THEMIS2: variants seen among roughly 807,000 people sequenced by gnomAD.
THEMIS2 encodes the protein thymocyte selection associated family member 2.
Under a neutral mutation model 46.8 loss-of-function variants are expected in THEMIS2, and 29 were observed. The ratio of observed to expected loss-of-function variants is 0.62; its 90% CI spans 0.46 to 0.84. The LOEUF (loss-of-function observed/expected upper bound fraction) is 0.84, where lower values mean the gene tolerates loss of function less well. Among genes scored for constraint, THEMIS2 ranks in the 40% least tolerant of loss-of-function variants. The probability of loss-of-function intolerance (pLI) is 0.00; values close to 1 mark genes in which losing one functional copy is unlikely to be tolerated. For synonymous variants in THEMIS2, 335 were observed against 349.1 expected, an observed-to-expected ratio of 0.96 and a Z score of 0.45; for missense variants, 698 against 834.7, an observed-to-expected ratio of 0.84 and a Z score of 2.02.
chr1:27,882,652 C>T lies in THEMIS2; in HGVS notation c.1328C>T (p.Ala443Val), dbSNP rs1321406272. 1 of 1,614,050 alleles carries T rather than the reference C, an allele frequency of 6.2e-7. No individual in the cohort carries two copies. Among genetic ancestry groups the T allele is most frequent in the Non-Finnish European group, 8.5e-7 (1 of 1,180,036 alleles). The change falls in exon 4 of 6, where the codon GCA (alanine) becomes GTA (valine). Residue 443 changes from alanine to valine, a missense_variant. Coordinates refer to ENST00000373921, the MANE Select transcript of THEMIS2 (RefSeq NM_001105556.3). The surrounding 1 kb of genome is among the most constrained non-coding windows in gnomAD (Gnocchi z 7.6). ...EMSDSRRYSL[A>V]DLTAQFSLPC... Reference sequence around the variant, plus strand: ...AGTGACAGCCGGCGCTACAGCCTGGCAGATCTGACTGCCCAGTTTTCACTG... The same window carrying T: ...AGTGACAGCCGGCGCTACAGCCTGGTAGATCTGACTGCCCAGTTTTCACTG...
At position 27,872,580 on chromosome 1, in the gene THEMIS2, G is replaced by T. The variant is rs541141786; in HGVS notation, c.9G>T (p.Pro3=). 1 of 1,488,274 alleles carries T rather than the reference G, an allele frequency of 6.7e-7. No homozygotes were observed. The highest frequency in any genetic ancestry group is 2.2e-5 in the Admixed American group (1 of 45,268). 92.2% of individuals were successfully genotyped at this position (1,488,274 alleles called of 1,614,324 possible). A position where few individuals can be genotyped will look rare whatever the true frequency, so the allele number is the denominator to read the frequency against. The part of the protein sequence containing the change: ME[P]VPLQDFVRAL... ...AGAGAGCCGCGGGGACCATGGAGCC[G>T]GTGCCGCTGCAGGACTTCGTGCGCG... Residue 3 remains proline, a synonymous_variant, in exon 1 of 6, where the codon CCG becomes CCT. Coordinates refer to ENST00000373921, the MANE Select transcript of THEMIS2 (RefSeq NM_001105556.3). This position sits in a 1 kb window ranked among gnomAD's most constrained non-coding sequence, Gnocchi z 4.9.
intron 2 of THEMIS2, among the ~76,000 whole-genome samples, chr1:27,877,534 A>G (rs958766471): frequency 2.0e-5 from 3 of 152,002 alleles, no homozygotes; most frequent in African/African-American, 7.2e-5. Flanking sequence ...TCACCGTGTT[A>G]ACCAGGATGA....
At position 27,876,570 on chromosome 1, in the gene THEMIS2, G is replaced by C. The variant is rs779162263; in HGVS notation, c.95-18G>C. The C allele has an allele frequency of 6.2e-7, 1 of 1,611,122 alleles. No homozygotes were observed. Among genetic ancestry groups the C allele is most frequent in the Non-Finnish European group, 8.5e-7 (1 of 1,178,066 alleles). ...TTGGCCCTTGTCCAATGGGGAAATGGAGTCCTTGTCTCCGCAGGCTCCATC... is the reference window on the plus strand; with the variant it reads ...TTGGCCCTTGTCCAATGGGGAAATGCAGTCCTTGTCTCCGCAGGCTCCATC... On this transcript the variant is annotated intron_variant, in intron 1 of 5. Coordinates refer to ENST00000373921, the MANE Select transcript of THEMIS2 (RefSeq NM_001105556.3).
chr1:27,885,445 G>C lies in THEMIS2; in HGVS notation c.1870G>C (p.Asp624His). The C allele has an allele frequency of 1.2e-6, 2 of 1,613,522 alleles. No homozygotes were observed. The highest frequency in any genetic ancestry group is 1.7e-6 in the Non-Finnish European group (2 of 1,179,850). ...CAGGCCCGCTAAGCCCCAAAGGCAG[G>C]ATCTAGGTGAGTCCCTGTGGGCGCT... The part of the protein sequence containing the change: ...GHRPAKPQRQ[D>H]LDDDEHDYEE... The change falls in exon 5 of 6, where the codon GAT becomes CAT. Residue 624 changes from aspartate (D) to histidine (H), a missense_variant. Asp to His is a moderately conservative substitution (Grantham distance 81). Coordinates refer to ENST00000373921, the MANE Select transcript of THEMIS2 (RefSeq NM_001105556.3).
Position 27,872,553 on chromosome 1 carries a change from C to G in THEMIS2, c.-19C>G. The G allele has an allele frequency of 6.8e-7, 1 of 1,480,630 alleles. No homozygotes were observed. Among genetic ancestry groups the G allele is most frequent in the Non-Finnish European group, 8.9e-7 (1 of 1,118,682 alleles). 91.7% of individuals were successfully genotyped at this position (1,480,630 alleles called of 1,614,324 possible). A position where few individuals can be genotyped will look rare whatever the true frequency, so the allele number is the denominator to read the frequency against. On this transcript the variant is annotated 5_prime_UTR_variant, in exon 1 of 6. Coordinates refer to ENST00000373921, the MANE Select transcript of THEMIS2 (RefSeq NM_001105556.3). The surrounding 1 kb of genome is among the most constrained non-coding windows in gnomAD (Gnocchi z 4.9). ...CGCCCGCCCGCCCCTCAGTCTGAGC[C>G]CAGAGAGCCGCGGGGACCATGGAGC...
intron 3 of THEMIS2, 78 bp from the exon 4 acceptor site, chr1:27,881,893 C>A: frequency 8.1e-7 from 1 of 1,234,244 alleles, no homozygotes; most frequent in Non-Finnish European, 1.1e-6. Flanking sequence ...GCCAGCCGGC[C>A]CAGCCAATGC....
At chr1:27,875,809 T>C (rs1289128256) in intron 1 of THEMIS2, among the ~76,000 whole-genome samples, 2 of 152,124 alleles carry the variant, frequency 1.3e-5, no homozygotes, top group Non-Finnish European at 1.5e-5. Context: ...CACGCCATTC[T>C]CCTGCCTCAG....
In THEMIS2 at chr1:27,882,022, A is replaced by T. The variant is rs2089687619; in HGVS notation, c.698A>T (p.Asp233Val). ...TCTACCCTGGAGGTCGACGTGGAGGACGTCACCGCCTCCTCCCGGCACGTC... is the reference window on the plus strand; with the variant it reads ...TCTACCCTGGAGGTCGACGTGGAGGTCGTCACCGCCTCCTCCCGGCACGTC... The part of the protein sequence containing the change: ...IPSTLEVDVE[D>V]VTASSRHVHF... Residue 233 changes from aspartate (D) to valine (V), a missense_variant, in exon 4 of 6, where the codon GAC becomes GTC. By Grantham distance (152) the Asp-to-Val change is radical (BLOSUM62 -3). Transcript: ENST00000373921. The surrounding 1 kb of genome is among the most constrained non-coding windows in gnomAD (Gnocchi z 7.6). 1 of 1,613,930 alleles carries T rather than the reference A, an allele frequency of 6.2e-7. No homozygotes were observed. Among genetic ancestry groups the T allele is most frequent in the Non-Finnish European group, 8.5e-7 (1 of 1,179,972 alleles).
chr1:27,881,079 C>T (rs1363274268), intron 3 of THEMIS2, among the ~76,000 whole-genome samples: 1 of 151,774 alleles, frequency 6.6e-6, no homozygotes, highest in Non-Finnish European at 1.5e-5. Context: ...CGAGCACAGC[C>T]TAAAAATAAT....
At chr1:27,873,462 CG>C (rs1311831888) in intron 1 of THEMIS2, among the ~76,000 whole-genome samples, 1 of 152,076 alleles carries the variant, frequency 6.6e-6, no homozygotes, top group Non-Finnish European at 1.5e-5. Context: ...TGTGGGGGTG[CG>C]GGTTCCTTCC....
At chr1:27,885,249 TC>T (rs778581261) in intron 4 of THEMIS2, 45 bp from the exon 5 acceptor site, 3 of 1,603,022 alleles carry the variant, frequency 1.9e-6, no homozygotes, top group African/African-American at 2.7e-5. Flanking sequence ...GGACTCTGCT[TC>T]CCCATTTCTT....
At position 27,872,774 on chromosome 1, in the gene THEMIS2, G is replaced by A; in HGVS notation, c.94+109G>A. On this transcript the variant is annotated intron_variant, in intron 1 of 5. Coordinates refer to ENST00000373921, the MANE Select transcript of THEMIS2 (RefSeq NM_001105556.3). The surrounding 1 kb of genome is among the most constrained non-coding windows in gnomAD (Gnocchi z 4.9). Reference sequence around the variant, plus strand: ...GAAACTGCCCCTGGGTTCAAATCCCGACACTGCCACTGGCCAAGCTGTGTG... The same window carrying A: ...GAAACTGCCCCTGGGTTCAAATCCCAACACTGCCACTGGCCAAGCTGTGTG... The A allele has an allele frequency of 3.3e-6, 3 of 897,636 alleles. No individual in the cohort carries two copies. Among genetic ancestry groups the A allele is most frequent in the African/African-American group, 3.5e-5 (2 of 57,440 alleles). 55.6% of individuals were successfully genotyped at this position (897,636 alleles called of 1,614,324 possible).
rs2089508621 is a variant in THEMIS2, at chr1:27,872,684, C to G, written c.94+19C>G. 1 of 1,343,156 alleles carries G rather than the reference C, an allele frequency of 7.4e-7. No individual in the cohort carries two copies. Among genetic ancestry groups the G allele is most frequent in the Non-Finnish European group, 9.6e-7 (1 of 1,042,286 alleles). 83.2% of individuals were successfully genotyped at this position (1,343,156 alleles called of 1,614,324 possible). The stretch of plus-strand genomic sequence containing the variant: ...TTCGAGGGTGAGCGGGGGCTGGAAC[C>G]CCTCCGAGCACTCCCTTGGTGTGGG... On this transcript the variant is annotated intron_variant, in intron 1 of 5. Coordinates refer to ENST00000373921, the MANE Select transcript of THEMIS2 (RefSeq NM_001105556.3). The surrounding 1 kb of genome is among the most constrained non-coding windows in gnomAD (Gnocchi z 4.9).
In THEMIS2 at chr1:27,882,279, G is replaced by C. The variant is rs370501668; in HGVS notation, c.955G>C (p.Gly319Arg). 3.1e-6 allele frequency: 5 copies of C among 1,606,548 alleles called. No homozygotes were observed. In the African/African-American group the frequency reaches 4.0e-5, roughly 13 times the overall value. ...GCCCAGGCACTTCCTGGTGTCAGGGGGCTACCAAGGCAAGCTGCGGCGGCG... is the reference window on the plus strand; with the variant it reads ...GCCCAGGCACTTCCTGGTGTCAGGGCGCTACCAAGGCAAGCTGCGGCGGCG... ...KVPRHFLVSG[G>R]YQGKLRRRPR... The change falls in exon 4 of 6, where the codon GGC (glycine) becomes CGC (arginine). Residue 319 changes from glycine to arginine, a missense_variant. By Grantham distance (125) the Gly-to-Arg change is moderately radical. Coordinates refer to ENST00000373921, the MANE Select transcript of THEMIS2 (RefSeq NM_001105556.3). This position sits in a 1 kb window ranked among gnomAD's most constrained non-coding sequence, Gnocchi z 7.6.
In THEMIS2 at chr1:27,872,833, G is replaced by C. The variant is rs549267940; in HGVS notation, c.94+168G>C. 6.6e-5 allele frequency among the ~76,000 whole-genome samples: 10 copies of C among 152,358 alleles called. No homozygotes were observed. Among genetic ancestry groups the C allele is most frequent in the African/African-American group, 2.4e-4 (10 of 41,592 alleles). ...CCGCACTCAACCTCTTTGGACCTCG[G>C]CTTTTGCTTTCGTGGAACGGGGACC... On this transcript the variant is annotated intron_variant, in intron 1 of 5. Transcript: ENST00000373921. The surrounding 1 kb of genome is among the most constrained non-coding windows in gnomAD (Gnocchi z 4.9).
chr1:27,886,169 G>C lies in THEMIS2; in HGVS notation c.*247G>C, dbSNP rs906452237. Reference sequence around the variant, plus strand: ...GTGACTCCCTCAGCCTCAGAGCCTTGGGATGCAGAGCAGCTGGCAGGGTTC... The same window carrying C: ...GTGACTCCCTCAGCCTCAGAGCCTTCGGATGCAGAGCAGCTGGCAGGGTTC... On this transcript the variant is annotated 3_prime_UTR_variant, in exon 6 of 6. Transcript: ENST00000373921. 9.0e-5 allele frequency: 47 copies of C among 522,630 alleles called. No homozygotes were observed. Among genetic ancestry groups the C allele is most frequent in the African/African-American group, 8.8e-4 (46 of 52,254 alleles). 32.4% of individuals were successfully genotyped at this position (522,630 alleles called of 1,614,324 possible).
Position 27,879,978 on chromosome 1 carries a change from CG to C in THEMIS2, c.571del (p.Val191SerfsTer12). 2 of 1,612,670 alleles carry C rather than the reference CG, an allele frequency of 1.2e-6. No homozygotes were observed. The highest frequency in any genetic ancestry group is 3.3e-5 in the Admixed American group (2 of 59,926). On this transcript the variant is annotated frameshift_variant, in exon 3 of 6. Transcript: ENST00000373921. LOFTEE classifies it high-confidence loss of function. The stretch of plus-strand genomic sequence containing the variant: ...TACAGGATCCAGCCCTGAAAGACCT[CG>C]TCCTCACCTGCCCCACCCTGCCCTG... ...VLQDPALKDL[V>X]LTCPTLPWHS...
chr1:27,879,802 C>T lies in THEMIS2; in HGVS notation c.394C>T (p.Leu132Phe), dbSNP rs1449735066. The change falls in exon 3 of 6, where the codon CTT becomes TTT. Residue 132 changes from leucine (L) to phenylalanine (F), a missense_variant. Coordinates refer to ENST00000373921, the MANE Select transcript of THEMIS2 (RefSeq NM_001105556.3). ...RVVTEDQLLM[L>F]EAVVMHLGIR... is the part of the protein sequence containing the mutation. The stretch of plus-strand genomic sequence containing the variant: ...GGTGACTGAGGACCAGCTCCTCATG[C>T]TTGAGGCTGTGGTGATGCACCTCGG... The T allele has an allele frequency of 1.9e-6, 3 of 1,614,086 alleles. No individual in the cohort carries two copies. Among genetic ancestry groups the T allele is most frequent in the South Asian group, 1.1e-5 (1 of 91,082 alleles).
Position 27,876,584 on chromosome 1 carries a change from G to T in THEMIS2, c.95-4G>T, listed in dbSNP as rs191288059. The T allele has an allele frequency of 6.2e-7, 1 of 1,613,030 alleles. No homozygotes were observed. The highest frequency in any genetic ancestry group is 8.5e-7 in the Non-Finnish European group (1 of 1,179,488). ...ATGGGGAAATGGAGTCCTTGTCTCC[G>T]CAGGCTCCATCTATGAGATCTCTGG... On this transcript the variant is annotated splice_region_variant and splice_polypyrimidine_tract_variant and intron_variant, in intron 1 of 5. Transcript: ENST00000373921.
Sources: gnomAD v4.1 joint callset for allele counts (sites outside exome capture counted in the v4.1 genomes callset) on GRCh38, gnomAD v4.1.1 for gene constraint, Gnocchi (gnomAD v3.1) non-coding constraint, MANE v1.5 for transcripts, NCBI Gene and HGNC (gene_info 2026-07-23, HGNC 2026-07-21) for gene names.